Variants in LHFPL2 observed in about 807,000 individuals in gnomAD.
LHFPL2 encodes the protein LHFPL tetraspan subfamily member 2 protein.
Under a neutral mutation model 17.5 loss-of-function variants are expected in LHFPL2, and 7 were observed. That is an observed-to-expected ratio of 0.40 (90% CI 0.23 to 0.75). The LOEUF is 0.75. LHFPL2 is among the 30% of genes least tolerant of loss of function. The probability of loss-of-function intolerance (pLI) is 0.37; values close to 1 mark genes in which losing one functional copy is unlikely to be tolerated. For missense variants in LHFPL2, 241 were observed against 294.8 expected (o/e 0.82, Z 1.34); for synonymous variants, 134 against 116.2 (o/e 1.15, Z -0.99).
At chr5:78,600,374 T>C (rs748202928) in intron 2 of LHFPL2, among the ~76,000 whole-genome samples, 1 of 151,956 alleles carries the variant, frequency 6.6e-6, no homozygotes, top group Non-Finnish European at 1.5e-5. Flanking sequence ...AAATTAAAAT[T>C]ACAGCCTGGC....
intron 2 of LHFPL2, among the ~76,000 whole-genome samples, chr5:78,606,800 A>G (rs1744227795): frequency 6.6e-6 from 1 of 152,044 alleles, no homozygotes; most frequent in Non-Finnish European, 1.5e-5. Flanking sequence ...TCAGCCTCAC[A>G]AGTAGCTGGG....
chr5:78,599,477 T>A (rs1176923244), intron 2 of LHFPL2, among the ~76,000 whole-genome samples: 2 of 46,638 alleles, frequency 4.3e-5, no homozygotes, highest in Non-Finnish European at 1.1e-4. Flanking sequence ...TTTTTTGTAT[T>A]TTTTTTTTTT....
rs1412428426 is a variant in LHFPL2, at chr5:78,486,087, CATAT to C, written c.*2806_*2809del. The C allele has an allele frequency of 1.3e-5, 2 of 152,350 alleles. No homozygotes were observed. The highest frequency in any genetic ancestry group is 4.8e-5 in the African/African-American group (2 of 41,274). The allele number at this position is 152,350 out of a possible 1,614,324, so 9.4% of individuals were successfully genotyped here. A position where few individuals can be genotyped will look rare whatever the true frequency, so the allele number is the denominator to read the frequency against. On this transcript the variant is annotated 3_prime_UTR_variant, in exon 5 of 5. Coordinates refer to ENST00000380345, the MANE Select transcript of LHFPL2 (RefSeq NM_005779.3). The stretch of plus-strand genomic sequence containing the variant: ...CACAAACTTGTGTATGTATAATATA[CATAT>C]ATATTTTTAAATATGCTACACATAA...
chr5:78,497,966 C>G (rs1310141792), intron 4 of LHFPL2, among the ~76,000 whole-genome samples: 1 of 152,236 alleles, frequency 6.6e-6, no homozygotes, highest in African/African-American at 2.4e-5. Flanking sequence ...GCAAGGACAG[C>G]TGCCAAGACA....
At chr5:78,530,630 G>A (rs983163368) in intron 3 of LHFPL2, among the ~76,000 whole-genome samples, 1 of 152,194 alleles carries the variant, frequency 6.6e-6, no homozygotes, top group African/African-American at 2.4e-5. Flanking sequence ...TGCTGACTCT[G>A]TACCTATTGG....
chr5:78,492,869 A>C (rs916638632), intron 4 of LHFPL2, among the ~76,000 whole-genome samples: 6 of 152,200 alleles, frequency 3.9e-5, no homozygotes, highest in Non-Finnish European at 7.3e-5. Flanking sequence ...CCCGACAAGC[A>C]CAAGAGCGCC....
At chr5:78,635,389 C>A (rs1489263764) in intron 1 of LHFPL2, among the ~76,000 whole-genome samples, 1 of 152,214 alleles carries the variant, frequency 6.6e-6, no homozygotes, top group East Asian at 1.9e-4. Context: ...GCCCCCTCTT[C>A]CCCCAGGGAA....
chr5:78,488,781 G>T lies in LHFPL2; in HGVS notation c.*116C>A. On this transcript the variant is annotated 3_prime_UTR_variant, in exon 5 of 5. Coordinates refer to ENST00000380345, the MANE Select transcript of LHFPL2 (RefSeq NM_005779.3). ...CTCATTGGTCCTGTTTAAGCCTCGGGCCGTGGAACGTGGCTTTGGTAGGTA... is the reference window on the plus strand; with the variant it reads ...CTCATTGGTCCTGTTTAAGCCTCGGTCCGTGGAACGTGGCTTTGGTAGGTA... 3 of 1,201,814 alleles carry T rather than the reference G, an allele frequency of 2.5e-6. No homozygotes were observed. Among genetic ancestry groups the T allele is most frequent in the Non-Finnish European group, 3.6e-6 (3 of 842,770 alleles). The allele number at this position is 1,201,814 out of a possible 1,614,324, so 74.4% of individuals were successfully genotyped here.
intron 2 of LHFPL2, among the ~76,000 whole-genome samples, chr5:78,610,797 G>A (rs1312023758): frequency 6.6e-6 from 1 of 151,828 alleles, no homozygotes; most frequent in African/African-American, 2.4e-5. Context: ...TTCCTCTCCT[G>A]TGCATTACTG....
chr5:78,486,285 G>A lies in LHFPL2; in HGVS notation c.*2612C>T, dbSNP rs891390118. ...CCAAGGCAAATATTTCTGCCTCAGA[G>A]TTCATTGAGAAGCGCAGCCCATCCC... On this transcript the variant is annotated 3_prime_UTR_variant, in exon 5 of 5. Transcript: ENST00000380345. 6 of 152,372 alleles carry A rather than the reference G, an allele frequency of 3.9e-5. No individual in the cohort carries two copies. The highest frequency in any genetic ancestry group is 1.4e-4 in the African/African-American group (6 of 41,426). 9.4% of individuals were successfully genotyped at this position (152,372 alleles called of 1,614,324 possible).
chr5:78,634,207 T>C (rs1038627156), intron 1 of LHFPL2, among the ~76,000 whole-genome samples: 3 of 152,098 alleles, frequency 2.0e-5, no homozygotes, highest in African/African-American at 7.2e-5. Context: ...ACAAAAGGGG[T>C]TAGGGGGCGG....
At chr5:78,565,788 A>G (rs1185361712) in intron 2 of LHFPL2, among the ~76,000 whole-genome samples, 1 of 152,212 alleles carries the variant, frequency 6.6e-6, no homozygotes, top group Non-Finnish European at 1.5e-5. Context: ...CCTATCAGAT[A>G]ATCTTGCTCT....
At chr5:78,614,397 A>G (rs772153245) in intron 2 of LHFPL2, among the ~76,000 whole-genome samples, 3 of 152,240 alleles carry the variant, frequency 2.0e-5, no homozygotes, top group Non-Finnish European at 4.4e-5. Flanking sequence ...CTTTACCTGT[A>G]CAATGAGCCT....
intron 2 of LHFPL2, among the ~76,000 whole-genome samples, chr5:78,571,586 A>T (rs1420442286): frequency 6.6e-6 from 1 of 152,142 alleles, no homozygotes; most frequent in Non-Finnish European, 1.5e-5. Flanking sequence ...AATGACCAAA[A>T]CAGTCCTTGA....
intron 2 of LHFPL2, among the ~76,000 whole-genome samples, chr5:78,576,351 G>C (rs1757136297): frequency 6.6e-6 from 1 of 151,886 alleles, no homozygotes; most frequent in South Asian, 2.1e-4. Flanking sequence ...AGAAATTAGA[G>C]TCTTCATAAA....
intron 2 of LHFPL2, chr5:78,626,570 G>T (rs1002086249): frequency 6.6e-6 from 1 of 152,148 alleles, no homozygotes; most frequent in East Asian, 1.9e-4. Context: ...TGCCTTCTGG[G>T]AGTTTCTGAG....
rs73146010 is a variant in LHFPL2 at position 78,566,245 on chromosome 5, G to T, written c.-244-1374C>A. Among the ~76,000 whole-genome samples the T allele has an allele frequency of 6.5e-3, 997 of 152,290 alleles. 14 individuals carry two copies. Among genetic ancestry groups the T allele is most frequent in the African/African-American group, 0.023 (960 of 41,568 alleles). On this transcript the variant is annotated intron_variant, in intron 2 of 4. Transcript: ENST00000380345. ...AAGCTACGAATGTCCACACTTATAT[G>T]CAGGTAAGTAGCTTAATATCAGCAG...
chr5:78,511,962 G>C (rs10067806), intron 3 of LHFPL2, among the ~76,000 whole-genome samples: 56,828 of 152,002 alleles, frequency 0.37, 12,149 homozygotes, highest in Non-Finnish European at 0.49. Context: ...CTGACCATAT[G>C]GATGCCTAAC....
In LHFPL2 at chr5:78,644,722, T is replaced by C. The variant is rs879143207; in HGVS notation, c.-350+3777A>G. The C allele has an allele frequency of 3.7e-5, 9 of 244,228 alleles. No individual in the cohort carries two copies. The South Asian group carries it at 5.2e-4, about 14-fold the overall frequency. 15.1% of individuals were successfully genotyped at this position (244,228 alleles called of 1,614,324 possible). A position where few individuals can be genotyped will look rare whatever the true frequency, so the allele number is the denominator to read the frequency against. ...GGTCTTGCACCTCTCTGAGCATTTC[T>C]TAGAAAACTCTGAGGAGCTGACTGA... On this transcript the variant is annotated intron_variant, in intron 1 of 4. Coordinates refer to ENST00000380345, the MANE Select transcript of LHFPL2 (RefSeq NM_005779.3).
Sources: allele counts gnomAD v4.1 joint callset (sites outside exome capture counted in the v4.1 genomes callset), GRCh38; gene constraint gnomAD v4.1.1; transcripts MANE v1.5; gene names NCBI Gene and HGNC (gene_info 2026-07-23, HGNC 2026-07-21).